The following LRP1B variants were observed in gnomAD, a reference collection of about 807,000 sequenced individuals.
The protein encoded by LRP1B is low-density lipoprotein receptor-related protein 1B.
LRP1B carries 217 observed loss-of-function variants against 556.6 expected under a neutral mutation model. The observed-to-expected ratio is 0.39, with a 90% CI of 0.35 to 0.44. The LOEUF is 0.44. LRP1B is among the 20% of genes least tolerant of loss of function. The probability of loss-of-function intolerance (pLI) is 1.00; values close to 1 mark genes in which losing one functional copy is unlikely to be tolerated. For missense variants in LRP1B, 5,053 were observed against 5,620.8 expected (o/e 0.90, Z 3.23); for synonymous variants, 2,047 against 1,865.8 (o/e 1.10, Z -2.50).
chr2:141,410,126 C>T (rs1371021013), intron 3 of LRP1B, among the ~76,000 whole-genome samples: 2 of 152,052 alleles, frequency 1.3e-5, no homozygotes, highest in Non-Finnish European at 2.9e-5. Context: ...TCATTGCAGA[C>T]TTCAAAATGA....
intron 1 of LRP1B, among the ~76,000 whole-genome samples, chr2:142,028,797 T>C (rs1703592138): frequency 1.3e-5 from 2 of 152,100 alleles, no homozygotes; most frequent in South Asian, 4.1e-4. Context: ...ATATGAGTTA[T>C]AATTTCTTCA....
chr2:140,776,753 A>G (rs1253003445), intron 32 of LRP1B, among the ~76,000 whole-genome samples: 9 of 152,060 alleles, frequency 5.9e-5, no homozygotes, highest in Non-Finnish European at 8.8e-5. Flanking sequence ...TCTCTTCACA[A>G]TTGTTAACCT....
At chr2:141,727,048 G>A (rs1693066038) in intron 2 of LRP1B, among the ~76,000 whole-genome samples, 1 of 150,448 alleles carries the variant, frequency 6.6e-6, no homozygotes, top group African/African-American at 2.4e-5. Flanking sequence ...ACTGACACAG[G>A]AAAAAAAAAT....
chr2:140,597,371 C>A (rs1227034845), intron 43 of LRP1B, among the ~76,000 whole-genome samples: 1 of 151,960 alleles, frequency 6.6e-6, no homozygotes, highest in African/African-American at 2.4e-5. Flanking sequence ...TAGGTATATA[C>A]AAAAATCAAT....
At chr2:141,366,603 C>T (rs986081220) in intron 3 of LRP1B, among the ~76,000 whole-genome samples, 5 of 152,192 alleles carry the variant, frequency 3.3e-5, no homozygotes, top group African/African-American at 1.2e-4. Context: ...TTCTATTTAA[C>T]CCTTCCTCAG....
intron 3 of LRP1B, among the ~76,000 whole-genome samples, chr2:141,346,961 T>C (rs1014536583): frequency 6.6e-6 from 1 of 152,154 alleles, no homozygotes; most frequent in Non-Finnish European, 1.5e-5. Flanking sequence ...GTGAGAATTA[T>C]TGAATGCATA....
chr2:140,873,190 C>A (rs747726294), intron 25 of LRP1B, among the ~76,000 whole-genome samples: 13 of 152,036 alleles, frequency 8.6e-5, no homozygotes, highest in Non-Finnish European at 4.4e-5. Flanking sequence ...TCTTACTTAT[C>A]CCTGCCGAAT....
chr2:140,276,860 C>A (rs1187176117), intron 84 of LRP1B, among the ~76,000 whole-genome samples: 1 of 151,748 alleles, frequency 6.6e-6, no homozygotes, highest in Admixed American at 6.6e-5. Context: ...TCCCTGCCAC[C>A]CACTCCTAGA....
intron 41 of LRP1B, among the ~76,000 whole-genome samples, chr2:140,633,139 G>C (rs1683950946): frequency 6.6e-6 from 1 of 151,714 alleles, no homozygotes; most frequent in Non-Finnish European, 1.5e-5. Flanking sequence ...AAATGAGATG[G>C]AGAAAAATAT....
chr2:141,098,824 A>T (rs938836229), intron 7 of LRP1B, among the ~76,000 whole-genome samples: 1 of 152,026 alleles, frequency 6.6e-6, no homozygotes, highest in African/African-American at 2.4e-5. Context: ...CACCCAGCTG[A>T]TTTTGTATTT....
chr2:141,977,855 T>C (rs1405906800), intron 1 of LRP1B, among the ~76,000 whole-genome samples: 1 of 152,194 alleles, frequency 6.6e-6, no homozygotes, highest in Non-Finnish European at 1.5e-5. Flanking sequence ...ATTGTTTCTA[T>C]TCTCTGTGGT....
chr2:141,184,977 G>A (rs539132706), intron 7 of LRP1B, among the ~76,000 whole-genome samples: 309 of 151,968 alleles, frequency 2.0e-3, no homozygotes, highest in Admixed American at 6.7e-3. Flanking sequence ...AGAGAACAAG[G>A]TTGAAAAGAA....
At chr2:140,291,559 C>T (rs1415797027) in intron 84 of LRP1B, among the ~76,000 whole-genome samples, 22 of 151,334 alleles carry the variant, frequency 1.5e-4, no homozygotes, top group Non-Finnish European at 1.9e-4. Flanking sequence ...GAACATGCAG[C>T]GTTTGGTTTC....
At chr2:141,795,896 A>ATATATATG (rs1404998647) in intron 2 of LRP1B, among the ~76,000 whole-genome samples, 3 of 78,358 alleles carry the variant, frequency 3.8e-5, no homozygotes, top group African/African-American at 1.4e-4. Flanking sequence ...ATATATATAT[A>ATATATATG]TATAATCTTT....
At chr2:141,610,420 A>G (rs1180374513) in intron 2 of LRP1B, among the ~76,000 whole-genome samples, 4 of 150,164 alleles carry the variant, frequency 2.7e-5, no homozygotes, top group African/African-American at 9.7e-5. Context: ...TCAGAATACC[A>G]TGCTTTTCTA....
At chr2:141,364,582 A>G (rs1688951517) in intron 3 of LRP1B, among the ~76,000 whole-genome samples, 1 of 152,240 alleles carries the variant, frequency 6.6e-6, no homozygotes, top group Non-Finnish European at 1.5e-5. Context: ...GAAGGCACAT[A>G]ACATAGATTT....
intron 3 of LRP1B, among the ~76,000 whole-genome samples, chr2:141,286,088 A>AG (rs1685711093): frequency 7.4e-6 from 1 of 134,326 alleles, no homozygotes; most frequent in Non-Finnish European, 1.5e-5. Flanking sequence ...AAAAAAAAAA[A>AG]TGTTCAATAC....
chr2:140,629,713 A>G (rs769337175), intron 41 of LRP1B, among the ~76,000 whole-genome samples: 4 of 152,212 alleles, frequency 2.6e-5, no homozygotes, highest in Non-Finnish European at 5.9e-5. Flanking sequence ...TGTAAAGCAA[A>G]TCTTCCTATC....
chr2:141,686,781 A>G (rs1691323121), intron 2 of LRP1B, among the ~76,000 whole-genome samples: 1 of 151,978 alleles, frequency 6.6e-6, no homozygotes, highest in African/African-American at 2.4e-5. Flanking sequence ...AGATTAATCC[A>G]TCAGTAGATT....
Sources: gnomAD v4.1 joint callset for allele counts (sites outside exome capture counted in the v4.1 genomes callset) on GRCh38, gnomAD v4.1.1 for gene constraint, MANE v1.5 for transcripts, NCBI Gene and HGNC (gene_info 2026-07-23, HGNC 2026-07-21) for gene names.